The following STX18 variants were observed in gnomAD, a reference collection of about 807,000 sequenced individuals.
STX18 encodes the protein syntaxin-18.
In STX18, 40 loss-of-function variants were observed where a neutral mutation model predicts 50.1. The ratio of observed to expected loss-of-function variants is 0.80; its 90% CI spans 0.62 to 1.04. The LOEUF (loss-of-function observed/expected upper bound fraction) is 1.04, where lower values mean the gene tolerates loss of function less well. Among genes scored for constraint, STX18 ranks in the 50% least tolerant of loss-of-function variants. The pLI, the probability that STX18 is intolerant of heterozygous loss-of-function variation, is 0.00. For missense variants in STX18, 410 were observed against 415.8 expected (o/e 0.99, Z 0.12); for synonymous variants, 158 against 151.8 (o/e 1.04, Z -0.30).
rs944402963 is a variant in STX18, at chr4:4,541,887, C to A, written c.78G>T (p.Ala26=). 6.2e-7 allele frequency: 1 copy of A among 1,610,556 alleles called. No homozygotes were observed. The highest frequency in any genetic ancestry group is 1.1e-5 in the South Asian group (1 of 90,730). ...VKTRNKALGV[A]VGGGVDGSRD... Reference sequence around the variant, plus strand: ...GGCTGCCATCGACCCCGCCGCCCACCGCCACTCCCAGCGCCTTGTTCCGCG... The same window carrying A: ...GGCTGCCATCGACCCCGCCGCCCACAGCCACTCCCAGCGCCTTGTTCCGCG... Residue 26 remains alanine (A), a synonymous_variant, in exon 1 of 11, where the codon GCG becomes GCT. Transcript: ENST00000306200.
At position 4,511,344 on chromosome 4, in the gene STX18, T is replaced by G. The variant is rs1729995176; in HGVS notation, c.168+30453A>C. ...GCAATGCTTTATCAAGGACTTCATA[T>G]GACAGCTATGTTTTGTTCTATGAAA... On this transcript the variant is annotated intron_variant, in intron 1 of 10. Coordinates refer to ENST00000306200, the MANE Select transcript of STX18 (RefSeq NM_016930.4). Among the ~76,000 whole-genome samples, 5 of 152,322 alleles carry G rather than the reference T, an allele frequency of 3.3e-5. No individual in the cohort carries two copies. The South Asian group carries it at 1.0e-3, about 32-fold the overall frequency.
intron 5 of STX18, among the ~76,000 whole-genome samples, chr4:4,445,491 G>C (rs576151516): frequency 2.2e-4 from 33 of 151,854 alleles, no homozygotes; most frequent in Admixed American, 2.0e-3. Context: ...ATTAATCAAA[G>C]TTGTAGACAG....
chr4:4,495,396 T>C (rs1161969877), intron 1 of STX18, among the ~76,000 whole-genome samples: 8 of 152,038 alleles, frequency 5.3e-5, no homozygotes, highest in African/African-American at 1.9e-4. Context: ...TCTCTTTCTC[T>C]CTTTCTTTCT....
chr4:4,484,071 C>T (rs1728590366), intron 1 of STX18, among the ~76,000 whole-genome samples: 2 of 152,094 alleles, frequency 1.3e-5, no homozygotes, highest in African/African-American at 2.4e-5. Flanking sequence ...ACCATGTTAG[C>T]CAGGATGGTC....
intron 1 of STX18, chr4:4,478,085 G>C (rs897474062): frequency 2.0e-5 from 3 of 152,146 alleles, no homozygotes; most frequent in Non-Finnish European, 4.4e-5. Flanking sequence ...ATGACTCACG[G>C]TGTTCATGTT....
At chr4:4,466,076 A>C (rs1031929617) in intron 2 of STX18, among the ~76,000 whole-genome samples, 1 of 152,216 alleles carries the variant, frequency 6.6e-6, no homozygotes, top group Non-Finnish European at 1.5e-5. Context: ...TTACGAACAA[A>C]TTACTCTTCT....
At chr4:4,458,345 C>A (rs1727190824) in intron 3 of STX18, among the ~76,000 whole-genome samples, 1 of 152,166 alleles carries the variant, frequency 6.6e-6, no homozygotes, top group African/African-American at 2.4e-5. Flanking sequence ...TTCTGCCTTA[C>A]TATAGGGCTG....
At chr4:4,438,340 G>T in intron 6 of STX18, 54 bp downstream of exon 6, 1 of 1,369,526 alleles carries the variant, frequency 7.3e-7, no homozygotes, top group Non-Finnish European at 1.0e-6. Flanking sequence ...CTGTACTCTT[G>T]CCAACATGTC....
rs1489999841 is a variant in STX18 at position 4,419,908 on chromosome 4, T to G, written c.*126A>C. 1.4e-5 allele frequency: 11 copies of G among 775,696 alleles called. No homozygotes were observed. Among genetic ancestry groups the G allele is most frequent in the African/African-American group, 3.5e-5 (2 of 57,864 alleles). The allele number at this position is 775,696 out of a possible 1,614,324, so 48.1% of individuals were successfully genotyped here. On this transcript the variant is annotated 3_prime_UTR_variant, in exon 11 of 11. Coordinates refer to ENST00000306200, the MANE Select transcript of STX18 (RefSeq NM_016930.4). The stretch of plus-strand genomic sequence containing the variant: ...GGGGAATACGTCTGTCTGTCTGAAC[T>G]CCTTTCCCTTCAAATGGCACTGTGA...
Position 4,541,993 on chromosome 4 carries a change from G to T in STX18, c.-29C>A. On this transcript the variant is annotated 5_prime_UTR_variant, in exon 1 of 11. Transcript: ENST00000306200. ...GACCCGCACCCTCAGCCCCACACTA[G>T]GCCCGCCCACGTAAGCAGCCGGCGA... 6.4e-7 allele frequency: 1 copy of T among 1,552,652 alleles called. No individual in the cohort carries two copies. The highest frequency in any genetic ancestry group is 8.7e-7 in the Non-Finnish European group (1 of 1,149,010).
intron 1 of STX18, chr4:4,499,576 G>T (rs1375290875): frequency 1.0e-5 from 10 of 976,090 alleles, no homozygotes; most frequent in Non-Finnish European, 2.4e-6. Context: ...AGATTCATAG[G>T]TATTCACTGA....
In STX18 at chr4:4,434,751, A is replaced by C. The variant is rs1377841612; in HGVS notation, c.702+19T>G. On this transcript the variant is annotated intron_variant, in intron 7 of 10. Transcript: ENST00000306200. ...GAAAACCAGTTAAAAATAAATAATTAGGCAGAGAATAGCATTACCATTTGT... is the reference window on the plus strand; with the variant it reads ...GAAAACCAGTTAAAAATAAATAATTCGGCAGAGAATAGCATTACCATTTGT... The C allele has an allele frequency of 6.3e-7, 1 of 1,584,720 alleles. No individual in the cohort carries two copies. The highest frequency in any genetic ancestry group is 1.4e-5 in the African/African-American group (1 of 73,780).
At chr4:4,433,582 G>T (rs1316202959) in intron 7 of STX18, among the ~76,000 whole-genome samples, 1 of 151,608 alleles carries the variant, frequency 6.6e-6, no homozygotes, top group African/African-American at 2.4e-5. Context: ...CTGGGCTCTG[G>T]GTGAGGAAAA....
In STX18 at chr4:4,540,220, T is replaced by C. The variant is rs536988631; in HGVS notation, c.168+1577A>G. 5.3e-5 allele frequency among the ~76,000 whole-genome samples: 8 copies of C among 152,332 alleles called. No homozygotes were observed. The Middle Eastern group carries it at 0.02, about 389-fold the overall frequency. On this transcript the variant is annotated intron_variant, in intron 1 of 10. Coordinates refer to ENST00000306200, the MANE Select transcript of STX18 (RefSeq NM_016930.4). Reference sequence around the variant, plus strand: ...TTAAAACTTGCTTAATGAAATCATATAGCTAATAGTTGCAGGGTTCAGACA... The same window carrying C: ...TTAAAACTTGCTTAATGAAATCATACAGCTAATAGTTGCAGGGTTCAGACA...
chr4:4,490,389 T>C (rs1560190824), intron 1 of STX18, among the ~76,000 whole-genome samples: 1 of 152,130 alleles, frequency 6.6e-6, no homozygotes, highest in South Asian at 2.1e-4. Flanking sequence ...AAAATGCCGA[T>C]TTGCAATTAT....
intron 1 of STX18, among the ~76,000 whole-genome samples, chr4:4,512,970 C>G (rs1414969844): frequency 1.3e-5 from 2 of 151,998 alleles, no homozygotes; most frequent in African/African-American, 4.8e-5. Flanking sequence ...TGACAGAAAA[C>G]CAAATGTTTG....
chr4:4,500,954 T>G (rs1289074108), intron 1 of STX18, among the ~76,000 whole-genome samples: 2 of 152,088 alleles, frequency 1.3e-5, no homozygotes, highest in African/African-American at 4.8e-5. Context: ...GGAGAATTGC[T>G]AGAACCTAGG....
At chr4:4,521,804 T>C (rs1298322866) in intron 1 of STX18, among the ~76,000 whole-genome samples, 2 of 152,232 alleles carry the variant, frequency 1.3e-5, no homozygotes, top group Non-Finnish European at 2.9e-5. Context: ...TCTTTCTTGA[T>C]GTTTTACCTT....
intron 1 of STX18, among the ~76,000 whole-genome samples, chr4:4,480,104 T>A (rs1384875459): frequency 1.3e-5 from 2 of 152,180 alleles, no homozygotes; most frequent in Non-Finnish European, 2.9e-5. Flanking sequence ...TAGAGGGGAA[T>A]CTAAAAGACT....
Sources: gnomAD v4.1 joint callset for allele counts (sites outside exome capture counted in the v4.1 genomes callset) on GRCh38, gnomAD v4.1.1 for gene constraint, MANE v1.5 for transcripts, NCBI Gene and HGNC (gene_info 2026-07-23, HGNC 2026-07-21) for gene names.